Variants in NEK10 observed in about 807,000 individuals in gnomAD.
NEK10 encodes serine/threonine-protein kinase Nek10.
Under a neutral mutation model 159.8 loss-of-function variants are expected in NEK10, and 122 were observed. The ratio of observed to expected loss-of-function variants is 0.76; its 90% CI spans 0.66 to 0.89. The LOEUF (loss-of-function observed/expected upper bound fraction) is 0.89. NEK10 is among the 40% of genes least tolerant of loss of function. The pLI, the probability that NEK10 is intolerant of heterozygous loss-of-function variation, is 0.00. For missense variants in NEK10, 1,342 were observed against 1,323.1 expected (o/e 1.01, Z -0.22); for synonymous variants, 466 against 457.1 (o/e 1.02, Z -0.25).
chr3:27,293,765 G>T (rs772333212), intron 15 of NEK10, 113 bp from the exon 16 acceptor site: 85 of 572,198 alleles, frequency 1.5e-4, no homozygotes, highest in Non-Finnish European at 2.5e-4. Context: ...TAAGTGGCTG[G>T]TCCAAGTTGG....
intron 6 of NEK10, among the ~76,000 whole-genome samples, chr3:27,314,871 G>A (rs573746505): frequency 3.3e-5 from 5 of 152,238 alleles, no homozygotes; most frequent in South Asian, 2.1e-4. Context: ...ATCACACTCC[G>A]TTTCAACAAG....
At chr3:27,257,561 A>T (rs1956334336) in intron 22 of NEK10, among the ~76,000 whole-genome samples, 1 of 152,210 alleles carries the variant, frequency 6.6e-6, no homozygotes, top group South Asian at 2.1e-4. Context: ...ATACACGTTT[A>T]CTAAACAACA....
At chr3:27,359,656 A>G (rs1013120571) in intron 1 of NEK10, among the ~76,000 whole-genome samples, 3 of 152,228 alleles carry the variant, frequency 2.0e-5, no homozygotes, top group Non-Finnish European at 4.4e-5. Flanking sequence ...GTTAAAATGC[A>G]CTGGTTAAAT....
intron 1 of NEK10, among the ~76,000 whole-genome samples, chr3:27,362,815 C>T (rs566582749): frequency 6.6e-6 from 1 of 152,070 alleles, no homozygotes; most frequent in South Asian, 2.1e-4. Flanking sequence ...TCACTGCCAA[C>T]GCCCTAGTCC....
intron 23 of NEK10, among the ~76,000 whole-genome samples, chr3:27,238,149 T>A (rs534166533): frequency 6.6e-6 from 1 of 152,182 alleles, no homozygotes; most frequent in Non-Finnish European, 1.5e-5. Context: ...CTGTGTAATA[T>A]GAGTTAGGGA....
intron 23 of NEK10, among the ~76,000 whole-genome samples, chr3:27,241,885 A>AT (rs1954592857): frequency 1.3e-5 from 2 of 152,164 alleles, no homozygotes; most frequent in African/African-American, 4.8e-5. Flanking sequence ...GCCATCTCTT[A>AT]TTCTAAGTAT....
intron 1 of NEK10, among the ~76,000 whole-genome samples, chr3:27,365,983 A>C (rs2049053037): frequency 6.6e-6 from 1 of 152,074 alleles, no homozygotes; most frequent in Admixed American, 6.5e-5. Context: ...AAATCTTTCA[A>C]AATGTAAGAC....
intron 23 of NEK10, among the ~76,000 whole-genome samples, chr3:27,225,521 TA>T (rs1251465611): frequency 1.3e-5 from 2 of 152,236 alleles, no homozygotes; most frequent in African/African-American, 4.8e-5. Flanking sequence ...CCTTGTGCTA[TA>T]GAAGCATTAA....
chr3:27,217,898 T>C (rs1190035252), intron 23 of NEK10, among the ~76,000 whole-genome samples: 1 of 152,190 alleles, frequency 6.6e-6, no homozygotes, highest in African/African-American at 2.4e-5. Flanking sequence ...TAGATATACA[T>C]ATCTATGATA....
At chr3:27,299,315 T>G (rs958060619) in intron 13 of NEK10, among the ~76,000 whole-genome samples, 1 of 152,182 alleles carries the variant, frequency 6.6e-6, no homozygotes, top group African/African-American at 2.4e-5. Flanking sequence ...GCCCCAAGCC[T>G]TGGCAGCTTC....
intron 32 of NEK10, among the ~76,000 whole-genome samples, chr3:27,127,051 T>C (rs1002014802): frequency 2.6e-5 from 4 of 152,120 alleles, no homozygotes; most frequent in Non-Finnish European, 5.9e-5. Context: ...ATTTTTATTA[T>C]AAAAAACTTC....
intron 26 of NEK10, among the ~76,000 whole-genome samples, chr3:27,188,373 C>T (rs1948812446): frequency 6.6e-6 from 1 of 152,138 alleles, no homozygotes; most frequent in South Asian, 2.1e-4. Context: ...TTTTTATAAG[C>T]TTCACTATAC....
intron 31 of NEK10, among the ~76,000 whole-genome samples, chr3:27,137,658 TTAGTTAGACAATTC>T (rs1318144039): frequency 6.6e-6 from 1 of 152,192 alleles, no homozygotes; most frequent in Non-Finnish European, 1.5e-5. Context: ...TTTTACGTAA[TTAGTTAGACAATTC>T]TGTGGTTGCC....
At chr3:27,191,376 A>ACTGATTGTGAGTT (rs1311748294) in intron 26 of NEK10, among the ~76,000 whole-genome samples, 1 of 152,224 alleles carries the variant, frequency 6.6e-6, no homozygotes, top group East Asian at 1.9e-4. Context: ...ACAACAGAAC[A>ACTGATTGTGAGTT]CTGATTGTGA....
At chr3:27,261,314 T>C (rs1467819152) in intron 22 of NEK10, among the ~76,000 whole-genome samples, 1 of 152,376 alleles carries the variant, frequency 6.6e-6, no homozygotes, top group East Asian at 1.9e-4. Flanking sequence ...ATTGTGATGT[T>C]AGGATGTCAA....
chr3:27,284,830 A>C lies in NEK10; in HGVS notation c.1911+10T>G. The C allele has an allele frequency of 6.3e-7, 1 of 1,576,952 alleles. No individual in the cohort carries two copies. Among genetic ancestry groups the C allele is most frequent in the South Asian group, 1.1e-5 (1 of 89,150 alleles). On this transcript the variant is annotated intron_variant, in intron 21 of 35. Coordinates refer to ENST00000691995, the MANE Select transcript of NEK10 (RefSeq NM_001394966.1). ...GTTTTAAGAAAAATTTAATGAAGAT[A>C]AAAGCATACCTGTATAAATATTTTC...
At chr3:27,291,421 C>G in intron 17 of NEK10, 31 bp from the exon 18 acceptor site, 1 of 1,608,522 alleles carries the variant, frequency 6.2e-7, no homozygotes, top group Non-Finnish European at 8.5e-7. Flanking sequence ...AAATGGGTTT[C>G]TGTGATAAAT....
At chr3:27,129,781 A>G (rs1942396973) in intron 32 of NEK10, among the ~76,000 whole-genome samples, 1 of 152,162 alleles carries the variant, frequency 6.6e-6, no homozygotes, top group Non-Finnish European at 1.5e-5. Context: ...GGGGAAACAG[A>G]ATGTAAGGTA....
intron 30 of NEK10, among the ~76,000 whole-genome samples, chr3:27,159,158 T>C (rs1559530220): frequency 6.6e-6 from 1 of 152,200 alleles, no homozygotes; most frequent in Non-Finnish European, 1.5e-5. Context: ...GTTGTTTATA[T>C]CAAGGATTAA....
Sources: allele counts gnomAD v4.1 joint callset (sites outside exome capture counted in the v4.1 genomes callset), GRCh38; gene constraint gnomAD v4.1.1; transcripts MANE v1.5; gene names NCBI Gene and HGNC (gene_info 2026-07-23, HGNC 2026-07-21).